Variants in BTBD9 observed in about 807,000 individuals in gnomAD.
BTBD9 encodes the protein BTB domain containing 9, also known as BTB/POZ domain-containing protein 9.
A neutral mutation model predicts 64.3 loss-of-function variants in BTBD9; 49 were observed. The ratio of observed to expected loss-of-function variants is 0.76; its 90% CI spans 0.61 to 0.97. The LOEUF (loss-of-function observed/expected upper bound fraction) is 0.97, where lower values mean the gene tolerates loss of function less well. Among genes scored for constraint, BTBD9 ranks in the 50% least tolerant of loss-of-function variants. The pLI, the probability that BTBD9 is intolerant of heterozygous loss-of-function variation, is 0.00. For synonymous variants in BTBD9, 260 were observed against 274.7 expected (o/e 0.95, Z 0.53); for missense variants, 598 against 762.1 (o/e 0.78, Z 2.53).
intron 6 of BTBD9, among the ~76,000 whole-genome samples, chr6:38,502,473 C>G: frequency 6.6e-6 from 1 of 152,280 alleles, no homozygotes; most frequent in African/African-American, 2.4e-5. Context: ...ATGTTCAAAT[C>G]ACAAAGACCA....
intron 6 of BTBD9, among the ~76,000 whole-genome samples, chr6:38,395,945 G>A (rs1400739606): frequency 2.6e-5 from 4 of 152,062 alleles, no homozygotes; most frequent in African/African-American, 7.2e-5. Flanking sequence ...TCCTGACCTC[G>A]TGATTCGCCC....
In BTBD9 at chr6:38,580,417, T is replaced by C; in HGVS notation, c.835A>G (p.Thr279Ala). ...ACAACTTGGGCTCCATACTTCATAG[T>C]TGCAATGTTTTCTTCTGGTACTACA... ...GMLIPEENIA[T>A]MKYGAQVVKG... The change falls in exon 5 of 11, where the codon ACT becomes GCT. Residue 279 changes from threonine to alanine, a missense_variant. Coordinates refer to ENST00000481247, the MANE Select transcript of BTBD9 (RefSeq NM_001099272.2). 1 of 1,614,108 alleles carries C rather than the reference T, an allele frequency of 6.2e-7. No individual in the cohort carries two copies. Among genetic ancestry groups the C allele is most frequent in the South Asian group, 1.1e-5 (1 of 91,082 alleles).
chr6:38,470,119 T>A (rs1410895214), intron 6 of BTBD9, among the ~76,000 whole-genome samples: 4 of 152,192 alleles, frequency 2.6e-5, no homozygotes, highest in Non-Finnish European at 5.9e-5. Flanking sequence ...AAATTTCAAT[T>A]CCTTATTAAA....
intron 7 of BTBD9, among the ~76,000 whole-genome samples, chr6:38,320,306 G>C (rs773423021): frequency 6.6e-6 from 1 of 152,140 alleles, no homozygotes; most frequent in Admixed American, 6.5e-5. Flanking sequence ...GTGTTCCTGG[G>C]GGGAGGATGA....
chr6:38,329,618 C>G (rs1448269663), intron 7 of BTBD9, among the ~76,000 whole-genome samples: 2 of 152,054 alleles, frequency 1.3e-5, no homozygotes, highest in African/African-American at 4.8e-5. Flanking sequence ...CCACGGCGCC[C>G]TGCCTAAAGA....
chr6:38,303,094 T>C (rs1762475228), intron 7 of BTBD9, among the ~76,000 whole-genome samples: 1 of 152,226 alleles, frequency 6.6e-6, no homozygotes, highest in Admixed American at 6.5e-5. Context: ...GTAAACTGTC[T>C]ATTCACTCTG....
At chr6:38,217,199 G>GT (rs2127503751) in intron 9 of BTBD9, among the ~76,000 whole-genome samples, 1 of 150,286 alleles carries the variant, frequency 6.7e-6, no homozygotes, top group East Asian at 2.0e-4. Flanking sequence ...GGTGCCTGTA[G>GT]TCCTAGCTAC....
chr6:38,242,582 T>C (rs1225627376), intron 9 of BTBD9, among the ~76,000 whole-genome samples: 2 of 152,264 alleles, frequency 1.3e-5, no homozygotes, highest in Non-Finnish European at 2.9e-5. Flanking sequence ...TGTGTGTGCA[T>C]ATGTGTGTGT....
chr6:38,304,296 C>T (rs10947728), intron 7 of BTBD9, among the ~76,000 whole-genome samples: 50,030 of 151,672 alleles, frequency 0.33, 9,711 homozygotes, highest in Non-Finnish European at 0.45. Flanking sequence ...ACCTGTAATC[C>T]CAGCACTTTG....
At chr6:38,249,339 C>T (rs896700829) in intron 9 of BTBD9, among the ~76,000 whole-genome samples, 1 of 152,108 alleles carries the variant, frequency 6.6e-6, no homozygotes. Flanking sequence ...ACTGTAACCT[C>T]GAACTCCTGG....
At chr6:38,193,187 G>T (rs530516898) in intron 9 of BTBD9, among the ~76,000 whole-genome samples, 1 of 152,182 alleles carries the variant, frequency 6.6e-6, no homozygotes, top group Admixed American at 6.5e-5. Flanking sequence ...GACCTCAGTC[G>T]TTCATCAGAT....
chr6:38,263,435 A>G (rs1764861062), intron 8 of BTBD9, among the ~76,000 whole-genome samples: 1 of 152,206 alleles, frequency 6.6e-6, no homozygotes, highest in Admixed American at 6.5e-5. Context: ...AACTCTTTCC[A>G]GCACAACCTC....
chr6:38,496,417 A>T (rs1425021998), intron 6 of BTBD9, among the ~76,000 whole-genome samples: 1 of 152,076 alleles, frequency 6.6e-6, no homozygotes, highest in Non-Finnish European at 1.5e-5. Context: ...CTGAGGTGAG[A>T]GGGCTGCTTG....
chr6:38,588,275 C>A, intron 4 of BTBD9: 1 of 929,312 alleles, frequency 1.1e-6, no homozygotes, highest in Non-Finnish European at 1.7e-6. Context: ...ACTGCCTGCT[C>A]AGCTGCCACA....
chr6:38,180,611 A>G (rs1484379137), intron 10 of BTBD9, among the ~76,000 whole-genome samples: 1 of 152,180 alleles, frequency 6.6e-6, no homozygotes, highest in African/African-American at 2.4e-5. Flanking sequence ...AACTTTCCCA[A>G]GACTGCAATA....
intron 9 of BTBD9, among the ~76,000 whole-genome samples, chr6:38,194,721 G>A (rs756434271): frequency 2.6e-5 from 4 of 151,234 alleles, no homozygotes; most frequent in Non-Finnish European, 5.9e-5. Flanking sequence ...AGCCGTCCTG[G>A]GCAGAGCTGG....
intron 6 of BTBD9, among the ~76,000 whole-genome samples, chr6:38,520,616 T>C (rs749431771): frequency 6.6e-6 from 1 of 152,042 alleles, no homozygotes; most frequent in Non-Finnish European, 1.5e-5. Context: ...AAGTTAGTTT[T>C]AAAAAATTAA....
chr6:38,504,636 A>G (rs1772381354), intron 6 of BTBD9: 3 of 454,660 alleles, frequency 6.6e-6, no homozygotes, highest in Non-Finnish European at 8.8e-6. Context: ...TATATAAAAT[A>G]CACCTATCTT....
At chr6:38,280,017 T>C (rs911263194) in intron 8 of BTBD9, among the ~76,000 whole-genome samples, 1 of 152,188 alleles carries the variant, frequency 6.6e-6, no homozygotes, top group Non-Finnish European at 1.5e-5. Flanking sequence ...ATATTTTTTT[T>C]TTTGGCATTT....
Sources: allele counts gnomAD v4.1 joint callset (sites outside exome capture counted in the v4.1 genomes callset), GRCh38; gene constraint gnomAD v4.1.1; transcripts MANE v1.5; gene names NCBI Gene and HGNC (gene_info 2026-07-23, HGNC 2026-07-21).